The following FBXW7 variants were observed in gnomAD, a reference collection of about 807,000 sequenced individuals.
FBXW7 encodes F-box/WD repeat-containing protein 7.
A neutral mutation model predicts 86.3 loss-of-function variants in FBXW7; 11 were observed. The observed-to-expected ratio is 0.13, with a 90% CI of 0.08 to 0.21. The LOEUF (loss-of-function observed/expected upper bound fraction) is 0.21, where lower values mean the gene tolerates loss of function less well. FBXW7 is among the 10% of genes least tolerant of loss of function. The pLI is 1.00. For synonymous variants in FBXW7, 313 were observed against 297.9 expected (o/e 1.05, Z -0.52); for missense variants, 488 against 847.4 (o/e 0.58, Z 5.27).
At chr4:152,497,652 A>C (rs886219371) in intron 2 of FBXW7, among the ~76,000 whole-genome samples, 6 of 151,898 alleles carry the variant, frequency 4.0e-5, no homozygotes, top group Non-Finnish European at 8.8e-5. Flanking sequence ...AATGTTGATA[A>C]AAAAAAGTGT....
intron 11 of FBXW7, 34 bp from the exon 12 acceptor site, chr4:152,326,265 CAAAAA>C: frequency 6.7e-7 from 1 of 1,493,836 alleles, no homozygotes; most frequent in South Asian, 1.3e-5. Context: ...CAAAACAAAA[CAAAAA>C]AACCCACGTT....
At chr4:152,482,856 CCCTAT>C (rs1260124364) in intron 2 of FBXW7, among the ~76,000 whole-genome samples, 5 of 152,074 alleles carry the variant, frequency 3.3e-5, no homozygotes, top group South Asian at 2.1e-4. Context: ...ACTTAAAAGT[CCCTAT>C]CCTATAAGAT....
intron 7 of FBXW7, 192 bp downstream of exon 7, chr4:152,337,610 C>T: frequency 2.0e-6 from 1 of 493,376 alleles, no homozygotes; most frequent in Non-Finnish European, 3.5e-6. Context: ...AGTTCACATG[C>T]ATTCTTTAAT....
intron 4 of FBXW7, among the ~76,000 whole-genome samples, chr4:152,389,725 T>A (rs1424236977): frequency 1.3e-5 from 2 of 151,676 alleles, no homozygotes; most frequent in African/African-American, 2.4e-5. Context: ...TATATCCATG[T>A]AAAAAAAACT....
At chr4:152,336,343 T>C (rs771964186) in intron 7 of FBXW7, among the ~76,000 whole-genome samples, 2 of 152,244 alleles carry the variant, frequency 1.3e-5, no homozygotes, top group Non-Finnish European at 2.9e-5. Context: ...TTTCATATTC[T>C]GATCTTACAC....
chr4:152,386,804 T>C (rs1735562726), intron 4 of FBXW7, among the ~76,000 whole-genome samples: 1 of 152,174 alleles, frequency 6.6e-6, no homozygotes, highest in Non-Finnish European at 1.5e-5. Flanking sequence ...TCCCTGATTT[T>C]CTTTCTTCTA....
chr4:152,338,533 T>C (rs973391276), intron 6 of FBXW7, among the ~76,000 whole-genome samples: 2 of 151,946 alleles, frequency 1.3e-5, no homozygotes, highest in Non-Finnish European at 2.9e-5. Context: ...TAGTAGCTGA[T>C]AGTGGTAAAA....
chr4:152,399,361 A>G (rs1736711748), intron 4 of FBXW7, among the ~76,000 whole-genome samples: 1 of 152,200 alleles, frequency 6.6e-6, no homozygotes, highest in Non-Finnish European at 1.5e-5. Context: ...TACAGCTAAC[A>G]TCACACTTAA....
intron 2 of FBXW7, among the ~76,000 whole-genome samples, chr4:152,534,268 G>A (rs10049601): frequency 0.018 from 2,411 of 137,756 alleles, 56 homozygotes; most frequent in African/African-American, 0.075. Context: ...AAAAAAAAAA[G>A]GGGGGGGTGA....
intron 12 of FBXW7, 59 bp downstream of exon 12, chr4:152,325,947 A>C (rs1728978032): frequency 6.3e-6 from 9 of 1,422,008 alleles, no homozygotes; most frequent in East Asian, 4.6e-5. Flanking sequence ...TGATTATCTG[A>C]GTAAAACAAC....
intron 2 of FBXW7, among the ~76,000 whole-genome samples, chr4:152,424,311 T>A (rs1739188973): frequency 6.6e-6 from 1 of 152,178 alleles, no homozygotes; most frequent in African/African-American, 2.4e-5. Context: ...AACAAGACTT[T>A]TTGCATTTTT....
At chr4:152,401,468 T>C (rs1560852129) in intron 4 of FBXW7, among the ~76,000 whole-genome samples, 1 of 152,152 alleles carries the variant, frequency 6.6e-6, no homozygotes, top group African/African-American at 2.4e-5. Flanking sequence ...ATTCCAACTA[T>C]ATGACATTCT....
At chr4:152,333,073 A>T (rs1729719349) in intron 7 of FBXW7, among the ~76,000 whole-genome samples, 1 of 152,146 alleles carries the variant, frequency 6.6e-6, no homozygotes, top group Admixed American at 6.6e-5. Flanking sequence ...TACAATGTAA[A>T]TTCACTGAAG....
At chr4:152,379,866 A>G (rs1444885729) in intron 4 of FBXW7, among the ~76,000 whole-genome samples, 2 of 152,200 alleles carry the variant, frequency 1.3e-5, no homozygotes, top group Non-Finnish European at 2.9e-5. Context: ...TCCTGAAAAT[A>G]TTTGAAGAGA....
intron 2 of FBXW7, among the ~76,000 whole-genome samples, chr4:152,422,596 T>A (rs28463591): frequency 1.3e-5 from 2 of 152,284 alleles, no homozygotes; most frequent in Non-Finnish European, 2.9e-5. Context: ...TAATCTTTTT[T>A]AAAAAACTAC....
At chr4:152,442,276 TACAGATC>T (rs1454557976) in intron 2 of FBXW7, among the ~76,000 whole-genome samples, 1 of 152,202 alleles carries the variant, frequency 6.6e-6, no homozygotes, top group Non-Finnish European at 1.5e-5. Context: ...TCAGTAGAAT[TACAGATC>T]ACTCTGGAGG....
intron 4 of FBXW7, among the ~76,000 whole-genome samples, chr4:152,364,157 G>A (rs1733243029): frequency 6.6e-6 from 1 of 152,106 alleles, no homozygotes; most frequent in Non-Finnish European, 1.5e-5. Flanking sequence ...GCTCCGCTTG[G>A]TTAAGAACTG....
intron 9 of FBXW7, among the ~76,000 whole-genome samples, chr4:152,330,202 T>C (rs1578887265): frequency 6.6e-6 from 1 of 151,902 alleles, no homozygotes; most frequent in Non-Finnish European, 1.5e-5. Flanking sequence ...TCATAATATA[T>C]ACATATTAGT....
intron 4 of FBXW7, among the ~76,000 whole-genome samples, chr4:152,374,162 CAAACCAAA>C (rs1488876588): frequency 6.6e-6 from 1 of 151,804 alleles, no homozygotes; most frequent in East Asian, 1.9e-4. Context: ...AAAAACAAAA[CAAACCAAA>C]AAAACCCCAC....
Sources: allele counts gnomAD v4.1 joint callset (sites outside exome capture counted in the v4.1 genomes callset), GRCh38; gene constraint gnomAD v4.1.1; transcripts MANE v1.5; gene names NCBI Gene and HGNC (gene_info 2026-07-23, HGNC 2026-07-21).